API5: variants seen among roughly 807,000 people sequenced by gnomAD.
The protein encoded by API5 is apoptosis inhibitor 5.
In API5, 6 loss-of-function variants were observed where a neutral mutation model predicts 71.9. The ratio of observed to expected loss-of-function variants is 0.08; its 90% CI spans 0.05 to 0.16. API5 has a LOEUF of 0.16. API5 is among the 10% of genes least tolerant of loss of function. API5 has a pLI of 1.00. For synonymous variants in API5, 189 were observed against 221.3 expected (o/e 0.85, Z 1.30); for missense variants, 332 against 612.8 (o/e 0.54, Z 4.84).
chr11:43,320,750 G>T, intron 2 of API5, 71 bp from the exon 3 acceptor site: 7 of 1,236,154 alleles, frequency 5.7e-6, no homozygotes, highest in Non-Finnish European at 6.9e-6. Context: ...AAAAAAGAAA[G>T]AAAAGAAAAA....
rs533964587 is a variant in API5 at position 43,312,016 on chromosome 11, C to A, written c.-112C>A. 3 of 1,209,488 alleles carry A rather than the reference C, an allele frequency of 2.5e-6. No homozygotes were observed. The highest frequency in any genetic ancestry group is 2.2e-5 in the Admixed American group (1 of 44,844). The allele number at this position is 1,209,488 out of a possible 1,614,324, so 74.9% of individuals were successfully genotyped here. On this transcript the variant is annotated 5_prime_UTR_variant, in exon 1 of 14. Transcript: ENST00000531273. ...GCGCGGTGACTGGCGGCTGCACTGGCGGCAGCTGGAGGTGTAATAGTGCGG... is the reference window on the plus strand; with the variant it reads ...GCGCGGTGACTGGCGGCTGCACTGGAGGCAGCTGGAGGTGTAATAGTGCGG...
chr11:43,315,570 C>T (rs1191930154), intron 1 of API5, among the ~76,000 whole-genome samples: 2 of 152,124 alleles, frequency 1.3e-5, no homozygotes, highest in Admixed American at 1.3e-4. Flanking sequence ...TTATCATACA[C>T]ACACACATAC....
intron 8 of API5, 139 bp downstream of exon 8, chr11:43,328,017 G>A (rs1196810069): frequency 4.1e-6 from 2 of 490,714 alleles, no homozygotes; most frequent in Non-Finnish European, 7.0e-6. Flanking sequence ...TAGCTTCCTA[G>A]GCCACATGTT....
At chr11:43,326,470 G>T in intron 6 of API5, 37 bp from the exon 7 acceptor site, 1 of 1,300,156 alleles carries the variant, frequency 7.7e-7, no homozygotes, top group Non-Finnish European at 1.1e-6. Context: ...GCGAATATTT[G>T]TTTTTCGACA....
At chr11:43,328,651 A>G (rs1855151437) in intron 8 of API5, 61 bp from the exon 9 acceptor site, 1 of 1,439,694 alleles carries the variant, frequency 6.9e-7, no homozygotes, top group African/African-American at 1.4e-5. Context: ...TTCCCTGAAT[A>G]TCTGTTTATA....
chr11:43,342,282 C>T, intron 13 of API5, 146 bp from the exon 14 acceptor site: 1 of 657,814 alleles, frequency 1.5e-6, no homozygotes, highest in Non-Finnish European at 2.6e-6. Flanking sequence ...TATGTACAGG[C>T]TAAATTTGTA....
chr11:43,335,527 G>A (rs1296309548), intron 12 of API5, among the ~76,000 whole-genome samples, 173 bp downstream of exon 12: 2 of 152,088 alleles, frequency 1.3e-5, no homozygotes, highest in Non-Finnish European at 2.9e-5. Context: ...AAATAAACTG[G>A]TGGGAGGCAA....
chr11:43,321,481 G>A lies in API5; in HGVS notation c.391+5G>A. On this transcript the variant is annotated splice_donor_5th_base_variant and intron_variant, in intron 4 of 13. Coordinates refer to ENST00000531273, the MANE Select transcript of API5 (RefSeq NM_001142930.2). Reference sequence around the variant, plus strand: ...TATTTAAAATGGATGCAAAAGGTAAGGCCAGTTCTTATTCTGAATTGTGTT... The same window carrying A: ...TATTTAAAATGGATGCAAAAGGTAAAGCCAGTTCTTATTCTGAATTGTGTT... 1 of 1,599,458 alleles carries A rather than the reference G, an allele frequency of 6.3e-7. No individual in the cohort carries two copies. The highest frequency in any genetic ancestry group is 1.3e-5 in the African/African-American group (1 of 74,630).
At chr11:43,329,277 C>T (rs952002514) in intron 9 of API5, 4 of 170,120 alleles carry the variant, frequency 2.4e-5, no homozygotes, top group South Asian at 1.6e-4. Context: ...CCCAGGAGCT[C>T]GAGGTTACGG....
At chr11:43,331,184 T>C (rs1409724885) in intron 11 of API5, 2 of 152,620 alleles carry the variant, frequency 1.3e-5, no homozygotes, top group Non-Finnish European at 2.9e-5. Flanking sequence ...AGAATAATTA[T>C]AGTTGACCCT....
intron 13 of API5, 174 bp downstream of exon 13, chr11:43,336,168 C>A: frequency 1.2e-6 from 1 of 839,462 alleles, no homozygotes; most frequent in Non-Finnish European, 1.8e-6. Flanking sequence ...CTCTCTCATT[C>A]ACCCTTCTGG....
intron 13 of API5, among the ~76,000 whole-genome samples, chr11:43,337,370 A>C (rs1255037071): frequency 1.3e-5 from 2 of 152,154 alleles, no homozygotes; most frequent in Non-Finnish European, 2.9e-5. Flanking sequence ...AATATCTGTA[A>C]TTTTGTTTCC....
At chr11:43,336,529 C>G (rs967051899) in intron 13 of API5, among the ~76,000 whole-genome samples, 5 of 152,218 alleles carry the variant, frequency 3.3e-5, no homozygotes, top group Non-Finnish European at 7.3e-5. Flanking sequence ...AGAATGCAAT[C>G]CTCCTATCAG....
chr11:43,333,812 T>C (rs919944862), intron 11 of API5, among the ~76,000 whole-genome samples: 1 of 152,152 alleles, frequency 6.6e-6, no homozygotes, highest in African/African-American at 2.4e-5. Context: ...GCAACGGTCA[T>C]GCATCAGAGA....
chr11:43,320,750 GAA>G (rs963843307), intron 2 of API5, 69 bp from the exon 3 acceptor site: 1 of 1,234,950 alleles, frequency 8.1e-7, no homozygotes, highest in African/African-American at 1.5e-5. Flanking sequence ...AAAAAAGAAA[GAA>G]AAGAAAAAGC....
At chr11:43,314,289 C>T (rs963330541) in intron 1 of API5, among the ~76,000 whole-genome samples, 1 of 152,104 alleles carries the variant, frequency 6.6e-6, no homozygotes, top group Non-Finnish European at 1.5e-5. Context: ...GTGAAAGCTA[C>T]AACAGTGGTT....
chr11:43,324,918 A>G (rs989349704), intron 6 of API5, among the ~76,000 whole-genome samples: 3 of 151,884 alleles, frequency 2.0e-5, no homozygotes, highest in East Asian at 1.9e-4. Context: ...AGTTCAGGCA[A>G]TCCACCTGCC....
At position 43,329,948 on chromosome 11, in the gene API5, A is replaced by G; in HGVS notation, c.1128-17A>G. The G allele has an allele frequency of 6.2e-7, 1 of 1,609,700 alleles. No individual in the cohort carries two copies. On this transcript the variant is annotated splice_polypyrimidine_tract_variant and intron_variant, in intron 9 of 13. Coordinates refer to ENST00000531273, the MANE Select transcript of API5 (RefSeq NM_001142930.2). ...TGAAGTGATGAATTGCTAATTAACA[A>G]ATACATTTTCATTTAGGCTGCAGTA...
chr11:43,336,189 T>C (rs551285041), intron 13 of API5, 195 bp downstream of exon 13: 3 of 644,652 alleles, frequency 4.7e-6, no homozygotes, highest in Admixed American at 3.6e-5. Flanking sequence ...GCTGACTGTA[T>C]TGAACATGCA....
Sources: gnomAD v4.1 joint callset for allele counts (sites outside exome capture counted in the v4.1 genomes callset) on GRCh38, gnomAD v4.1.1 for gene constraint, MANE v1.5 for transcripts, NCBI Gene and HGNC (gene_info 2026-07-23, HGNC 2026-07-21) for gene names.